Variants in LMTK2 observed in about 807,000 individuals in gnomAD.
LMTK2 encodes serine/threonine-protein kinase LMTK2.
Under a neutral mutation model 127.5 loss-of-function variants are expected in LMTK2, and 37 were observed. The ratio of observed to expected loss-of-function variants is 0.29; its 90% CI spans 0.22 to 0.38. The LOEUF (loss-of-function observed/expected upper bound fraction) is 0.38. LMTK2 is among the 10% of genes least tolerant of loss of function. The probability of loss-of-function intolerance (pLI) is 1.00; values close to 1 mark genes in which losing one functional copy is unlikely to be tolerated. For synonymous variants in LMTK2, 819 were observed against 810.1 expected, an observed-to-expected ratio of 1.01 and a Z score of -0.19; for missense variants, 1,694 against 1,920.3, an observed-to-expected ratio of 0.88 and a Z score of 2.20.
At position 98,204,093 on chromosome 7, in the gene LMTK2, C is replaced by T. The variant is rs1448854000; in HGVS notation, c.4390C>T (p.His1464Tyr). ...PARSTEQSWP[H>Y]SAPYSRFSIS... ...CCGGAGCACGGAGCAGAGCTGGCCGCACTCGGCGCCTTACTCCCGGTTCTC... is the reference window on the plus strand; with the variant it reads ...CCGGAGCACGGAGCAGAGCTGGCCGTACTCGGCGCCTTACTCCCGGTTCTC... Residue 1464 changes from histidine to tyrosine, a missense_variant, in exon 13 of 14, where the codon CAC (histidine) becomes TAC (tyrosine). Coordinates refer to ENST00000297293, the MANE Select transcript of LMTK2 (RefSeq NM_014916.4). 4 of 1,613,420 alleles carry T rather than the reference C, an allele frequency of 2.5e-6. No individual in the cohort carries two copies. Among genetic ancestry groups the T allele is most frequent in the African/African-American group, 2.7e-5 (2 of 74,934 alleles).
At chr7:98,150,080 C>T (rs947583142) in intron 3 of LMTK2, among the ~76,000 whole-genome samples, 5 of 152,072 alleles carry the variant, frequency 3.3e-5, no homozygotes, top group African/African-American at 7.2e-5. Context: ...GAGGCCGAGG[C>T]GGGCGGATCA....
At chr7:98,145,015 G>A (rs1032192238) in intron 3 of LMTK2, among the ~76,000 whole-genome samples, 4 of 152,080 alleles carry the variant, frequency 2.6e-5, no homozygotes, top group Admixed American at 6.5e-5. Context: ...ACTGGTATCC[G>A]TAGAATACAT....
intron 13 of LMTK2, among the ~76,000 whole-genome samples, chr7:98,205,074 T>C (rs17169440): frequency 0.012 from 1,846 of 152,306 alleles, 44 homozygotes; most frequent in African/African-American, 0.042. Context: ...AGATAAAGGT[T>C]AATAGGCTCA....
At chr7:98,170,455 A>C (rs949636762) in intron 6 of LMTK2, among the ~76,000 whole-genome samples, 1 of 152,108 alleles carries the variant, frequency 6.6e-6, no homozygotes, top group African/African-American at 2.4e-5. Context: ...GAGGTATTTG[A>C]TAAATTGGCT....
At chr7:98,165,548 C>G (rs1420725947) in intron 6 of LMTK2, among the ~76,000 whole-genome samples, 1 of 152,164 alleles carries the variant, frequency 6.6e-6, no homozygotes, top group Admixed American at 6.5e-5. Context: ...AACTCCTGGT[C>G]TCAAGTGATC....
At chr7:98,201,337 G>A (rs1228209151) in intron 11 of LMTK2, among the ~76,000 whole-genome samples, 1 of 152,098 alleles carries the variant, frequency 6.6e-6, no homozygotes, top group Admixed American at 6.6e-5. Context: ...GATTTTTTCA[G>A]ATTTTGGAAT....
chr7:98,157,442 A>G lies in LMTK2; in HGVS notation c.570-1896A>G, dbSNP rs115722417. 2.2e-3 allele frequency among the ~76,000 whole-genome samples: 338 copies of G among 152,232 alleles called. 2 individuals carry two copies. Among genetic ancestry groups the G allele is most frequent in the African/African-American group, 7.6e-3 (317 of 41,520 alleles). ...AAGGTGACACACAAAATTAACCGTCACATCATACAGCCCAGCAGTTGCATC... is the reference window on the plus strand; with the variant it reads ...AAGGTGACACACAAAATTAACCGTCGCATCATACAGCCCAGCAGTTGCATC... On this transcript the variant is annotated intron_variant, in intron 5 of 13. Transcript: ENST00000297293.
At chr7:98,119,830 G>T (rs1259845678) in intron 1 of LMTK2, among the ~76,000 whole-genome samples, 1 of 152,226 alleles carries the variant, frequency 6.6e-6, no homozygotes, top group Non-Finnish European at 1.5e-5. Context: ...ACGGTAACTT[G>T]CAGGGTGTTT....
At chr7:98,179,821 G>A (rs1797328299) in intron 7 of LMTK2, among the ~76,000 whole-genome samples, 1 of 152,126 alleles carries the variant, frequency 6.6e-6, no homozygotes, top group South Asian at 2.1e-4. Flanking sequence ...AAAGAGTGTG[G>A]CAAGTGATGT....
chr7:98,117,122 T>A (rs1796298702), intron 1 of LMTK2, among the ~76,000 whole-genome samples: 2 of 152,078 alleles, frequency 1.3e-5, no homozygotes, highest in African/African-American at 4.8e-5. Context: ...CCCCTCCCCA[T>A]GGTGTACGAG....
intron 2 of LMTK2, 70 bp from the exon 3 acceptor site, chr7:98,141,327 C>A: frequency 7.0e-7 from 1 of 1,421,102 alleles, no homozygotes; most frequent in African/African-American, 1.4e-5. Flanking sequence ...AGTTCCAAAT[C>A]ATTGTGCAAA....
intron 6 of LMTK2, among the ~76,000 whole-genome samples, chr7:98,165,708 A>T (rs1211809313): frequency 6.6e-6 from 1 of 152,078 alleles, no homozygotes; most frequent in Non-Finnish European, 1.5e-5. Context: ...GCTCTTCTTT[A>T]TGAATGTAGT....
chr7:98,119,483 ACAG>A (rs950117988), intron 1 of LMTK2, among the ~76,000 whole-genome samples: 1 of 152,236 alleles, frequency 6.6e-6, no homozygotes, highest in African/African-American at 2.4e-5. Context: ...GGGGCAGAAC[ACAG>A]CTAAAGCTTG....
At chr7:98,190,115 T>C (rs1449284828) in intron 9 of LMTK2, among the ~76,000 whole-genome samples, 1 of 152,230 alleles carries the variant, frequency 6.6e-6, no homozygotes, top group Admixed American at 6.5e-5. Flanking sequence ...TACTTAAAAG[T>C]TGATAGTCAT....
intron 1 of LMTK2, among the ~76,000 whole-genome samples, chr7:98,122,946 T>C (rs1796387499): frequency 6.6e-6 from 1 of 152,160 alleles, no homozygotes; most frequent in African/African-American, 2.4e-5. Context: ...TTAAATGTTG[T>C]TTCTTATCTC....
At chr7:98,202,745 G>A (rs1454999436) in intron 11 of LMTK2, among the ~76,000 whole-genome samples, 1 of 152,154 alleles carries the variant, frequency 6.6e-6, no homozygotes, top group Non-Finnish European at 1.5e-5. Context: ...AAGCTTGGGT[G>A]TGTTCAGAGT....
At position 98,141,265 on chromosome 7, in the gene LMTK2, T is replaced by C. The variant is rs1584259149; in HGVS notation, c.232-132T>C. The C allele has an allele frequency of 5.2e-6, 4 of 766,870 alleles. No homozygotes were observed. The East Asian group carries it at 7.7e-5, about 15-fold the overall frequency. The allele number at this position is 766,870 out of a possible 1,614,324, so 47.5% of individuals were successfully genotyped here. ...TGGAGTCAGAGAACAAAATTACATATGCTTTTTACTTAACATTAAGTACAA... is the reference window on the plus strand; with the variant it reads ...TGGAGTCAGAGAACAAAATTACATACGCTTTTTACTTAACATTAAGTACAA... On this transcript the variant is annotated intron_variant, in intron 2 of 13. Transcript: ENST00000297293.
chr7:98,195,231 A>G (rs1294651150), intron 11 of LMTK2, among the ~76,000 whole-genome samples: 3 of 152,174 alleles, frequency 2.0e-5, no homozygotes, highest in Non-Finnish European at 4.4e-5. Flanking sequence ...CCACTTGGGT[A>G]CAAGCCTGGA....
At chr7:98,116,472 G>A (rs1410727055) in intron 1 of LMTK2, among the ~76,000 whole-genome samples, 1 of 151,950 alleles carries the variant, frequency 6.6e-6, no homozygotes, top group Admixed American at 6.6e-5. Flanking sequence ...GAAGGAGAGG[G>A]TATGAGCTGA....
Sources: allele counts gnomAD v4.1 joint callset (sites outside exome capture counted in the v4.1 genomes callset), GRCh38; gene constraint gnomAD v4.1.1; transcripts MANE v1.5; gene names NCBI Gene and HGNC (gene_info 2026-07-23, HGNC 2026-07-21).